Variants in GAREM1 observed in about 807,000 individuals in gnomAD.
The protein encoded by GAREM1 is GRB2-associated and regulator of MAPK protein 1.
GAREM1 carries 26 observed loss-of-function variants against 71.3 expected under a neutral mutation model. That is an observed-to-expected ratio of 0.36 (90% confidence interval 0.27 to 0.51). The LOEUF is 0.51. Among genes scored for constraint, GAREM1 ranks in the 20% least tolerant of loss-of-function variants. GAREM1 has a pLI of 0.95. For missense variants in GAREM1, 1,026 were observed against 1,103.1 expected, an observed-to-expected ratio of 0.93 and a Z score of 0.99; for synonymous variants, 440 against 433.2, an observed-to-expected ratio of 1.02 and a Z score of -0.20.
At chr18:32,392,199 A>G (rs1274815965) in intron 2 of GAREM1, among the ~76,000 whole-genome samples, 2 of 148,662 alleles carry the variant, frequency 1.3e-5, no homozygotes, top group Admixed American at 6.6e-5. Flanking sequence ...ATATGGTAAC[A>G]TAAGTTTTTT....
intron 1 of GAREM1, among the ~76,000 whole-genome samples, chr18:32,440,229 C>T (rs2048721401): frequency 2.0e-5 from 3 of 152,136 alleles, no homozygotes; most frequent in African/African-American, 4.8e-5. Context: ...ATCATCCTTA[C>T]TTTTTTTAGC....
chr18:32,381,701 A>T (rs2048099619), intron 2 of GAREM1, among the ~76,000 whole-genome samples: 1 of 152,182 alleles, frequency 6.6e-6, no homozygotes, highest in African/African-American at 2.4e-5. Context: ...ACTTGCCTTC[A>T]CTTAATCTTT....
chr18:32,384,129 T>C (rs1197444498), intron 2 of GAREM1, among the ~76,000 whole-genome samples: 4 of 152,210 alleles, frequency 2.6e-5, no homozygotes, highest in Admixed American at 2.6e-4. Flanking sequence ...CCTTTAATAA[T>C]TAAATCACTA....
At chr18:32,464,580 CT>C (rs1354129209) in intron 1 of GAREM1, among the ~76,000 whole-genome samples, 3 of 152,334 alleles carry the variant, frequency 2.0e-5, no homozygotes, top group Non-Finnish European at 4.4e-5. Flanking sequence ...CACTTTCTGT[CT>C]GATAAAGACC....
intron 1 of GAREM1, among the ~76,000 whole-genome samples, chr18:32,431,042 G>A (rs891485557): frequency 6.6e-6 from 1 of 152,120 alleles, no homozygotes; most frequent in Non-Finnish European, 1.5e-5. Context: ...TGCATGCCTG[G>A]ATCTGACCAT....
At chr18:32,344,725 T>C (rs1213687670) in intron 2 of GAREM1, among the ~76,000 whole-genome samples, 1 of 152,174 alleles carries the variant, frequency 6.6e-6, no homozygotes, top group African/African-American at 2.4e-5. Context: ...AAATTTGTAA[T>C]AATGAAGTGT....
chr18:32,375,185 T>G (rs1396263129), intron 2 of GAREM1, among the ~76,000 whole-genome samples: 1 of 152,190 alleles, frequency 6.6e-6, no homozygotes, highest in Non-Finnish European at 1.5e-5. Context: ...ATTATCACTA[T>G]TTAAACATTT....
chr18:32,315,416 A>AAT, intron 2 of GAREM1, among the ~76,000 whole-genome samples: 1 of 147,884 alleles, frequency 6.8e-6, no homozygotes, highest in South Asian at 2.1e-4. Context: ...GTATTATATA[A>AAT]ATATATATAA....
At chr18:32,448,207 T>C (rs971824528) in intron 1 of GAREM1, among the ~76,000 whole-genome samples, 1 of 152,108 alleles carries the variant, frequency 6.6e-6, no homozygotes, top group East Asian at 1.9e-4. Context: ...CATGAATACT[T>C]TGAAATTATG....
chr18:32,371,833 A>T (rs547726508), intron 2 of GAREM1, among the ~76,000 whole-genome samples: 3 of 152,306 alleles, frequency 2.0e-5, no homozygotes, highest in African/African-American at 7.2e-5. Context: ...AAATGGCACA[A>T]GTGATAATCT....
chr18:32,362,458 T>C (rs944115000), intron 2 of GAREM1, among the ~76,000 whole-genome samples: 1 of 152,258 alleles, frequency 6.6e-6, no homozygotes. Context: ...TAAATATATG[T>C]AGCCGGTCAA....
At chr18:32,398,893 T>G (rs1294525505) in intron 1 of GAREM1, among the ~76,000 whole-genome samples, 1 of 152,202 alleles carries the variant, frequency 6.6e-6, no homozygotes, top group South Asian at 2.1e-4. Context: ...AATATCCTGA[T>G]GAACATTGAT....
intron 1 of GAREM1, among the ~76,000 whole-genome samples, chr18:32,401,174 G>A (rs1006741391): frequency 2.6e-5 from 4 of 152,030 alleles, no homozygotes; most frequent in African/African-American, 9.7e-5. Context: ...AGGGCCTGTC[G>A]TGGGGTTGGG....
chr18:32,369,319 A>T (rs2144623699), intron 2 of GAREM1, among the ~76,000 whole-genome samples: 1 of 152,348 alleles, frequency 6.6e-6, no homozygotes, highest in African/African-American at 2.4e-5. Context: ...ATAGTTAGGA[A>T]TTAGTCAGAG....
chr18:32,281,744 G>A (rs2046953108), intron 4 of GAREM1, among the ~76,000 whole-genome samples: 1 of 152,222 alleles, frequency 6.6e-6, no homozygotes, highest in Non-Finnish European at 1.5e-5. Flanking sequence ...GGAGGCTGAG[G>A]CAGGTGGATC....
intron 4 of GAREM1, among the ~76,000 whole-genome samples, chr18:32,278,324 G>A (rs1020632125): frequency 6.6e-6 from 1 of 152,136 alleles, no homozygotes; most frequent in South Asian, 2.1e-4. Flanking sequence ...GCCTGGCAGG[G>A]GCGTGGGGGA....
At chr18:32,443,637 A>C (rs2048761462) in intron 1 of GAREM1, among the ~76,000 whole-genome samples, 2 of 152,210 alleles carry the variant, frequency 1.3e-5, no homozygotes. Context: ...AGACAGCAAG[A>C]ATATGCAGAA....
chr18:32,407,992 A>T (rs1415820140), intron 1 of GAREM1, among the ~76,000 whole-genome samples: 1 of 152,028 alleles, frequency 6.6e-6, no homozygotes, highest in Non-Finnish European at 1.5e-5. Flanking sequence ...TTAAAAAAAA[A>T]CTAACTCTAC....
rs2049045841 is a variant in GAREM1, at chr18:32,470,661, G to T, written c.-233C>A. Among the ~76,000 whole-genome samples, 1 of 149,238 alleles carries T rather than the reference G, an allele frequency of 6.7e-6. No homozygotes were observed. The highest frequency in any genetic ancestry group is 1.5e-5 in the Non-Finnish European group (1 of 67,160). ...GCTGGGGCGCCCCGCGTGCCCTCAC[G>T]CCCGGAGAAGACTCAGAGCAGCCGC... On this transcript the variant is annotated 5_prime_UTR_variant, in exon 1 of 6. Coordinates refer to ENST00000269209, the MANE Select transcript of GAREM1 (RefSeq NM_001242409.2). This position sits in a 1 kb window ranked among gnomAD's most constrained non-coding sequence, Gnocchi z 4.4.
Sources: allele counts gnomAD v4.1 joint callset (sites outside exome capture counted in the v4.1 genomes callset), GRCh38; gene constraint gnomAD v4.1.1; non-coding constraint Gnocchi (gnomAD v3.1); transcripts MANE v1.5; gene names NCBI Gene and HGNC (gene_info 2026-07-23, HGNC 2026-07-21).